CELF4: variants seen among roughly 807,000 people sequenced by gnomAD.
CELF4 encodes CUG-BP- and ETR-3-like factor 4.
In CELF4, 18 loss-of-function variants were observed where a neutral mutation model predicts 59.9. The observed-to-expected ratio is 0.30, with a 90% CI of 0.21 to 0.45. The LOEUF (loss-of-function observed/expected upper bound fraction) is 0.45. Ranked by LOEUF, CELF4 falls within the 20% of genes least tolerant of loss-of-function variation. The pLI, the probability that CELF4 is intolerant of heterozygous loss-of-function variation, is 1.00. For missense variants in CELF4, 456 were observed against 689.0 expected (o/e 0.66, Z 3.79); for synonymous variants, 261 against 267.1 (o/e 0.98, Z 0.22).
At chr18:37,306,781 G>A (rs1036047524) in intron 3 of CELF4, among the ~76,000 whole-genome samples, 2 of 152,174 alleles carry the variant, frequency 1.3e-5, no homozygotes, top group African/African-American at 2.4e-5. Flanking sequence ...GGGGCCCAGC[G>A]CTGATGGTGC....
intron 1 of CELF4, among the ~76,000 whole-genome samples, chr18:37,522,788 C>T (rs1032450260): frequency 1.5e-4 from 23 of 152,092 alleles, no homozygotes; most frequent in Non-Finnish European, 1.9e-4. Flanking sequence ...CTGAGCCCAC[C>T]CTGTGGGGCA....
intron 10 of CELF4, among the ~76,000 whole-genome samples, chr18:37,262,137 C>T (rs762850697): frequency 5.3e-5 from 8 of 152,224 alleles, no homozygotes; most frequent in Non-Finnish European, 1.0e-4. Flanking sequence ...TGCTGCCAAC[C>T]TCTGCTCATC....
intron 2 of CELF4, among the ~76,000 whole-genome samples, chr18:37,340,758 G>A (rs1323636129): frequency 6.6e-6 from 1 of 152,230 alleles, no homozygotes; most frequent in Non-Finnish European, 1.5e-5. Flanking sequence ...AGTTGACAAT[G>A]ACAGTGAATC....
chr18:37,376,395 C>T (rs527353472), intron 2 of CELF4, among the ~76,000 whole-genome samples: 59 of 152,338 alleles, frequency 3.9e-4, no homozygotes, highest in African/African-American at 1.3e-3. Flanking sequence ...CTAGCCGGGA[C>T]ACTGCAGCCC....
intron 1 of CELF4, among the ~76,000 whole-genome samples, chr18:37,535,841 T>C (rs575129061): frequency 6.6e-6 from 1 of 152,312 alleles, no homozygotes; most frequent in South Asian, 2.1e-4. Flanking sequence ...CACGATTCAC[T>C]TCCTGGTAAA....
At chr18:37,264,645 G>A (rs1384246637) in intron 10 of CELF4, 29 bp downstream of exon 10, 2 of 1,547,142 alleles carry the variant, frequency 1.3e-6, no homozygotes, top group Admixed American at 3.9e-5. Flanking sequence ...GGGGGAGGGA[G>A]GGGCCCAGGA....
Position 37,243,968 on chromosome 18 carries a change from T to G in CELF4, c.*1274A>C. On this transcript the variant is annotated 3_prime_UTR_variant, in exon 13 of 13. Coordinates refer to ENST00000420428, the MANE Select transcript of CELF4 (RefSeq NM_020180.4). ...ACCGTTCCCGACCGACGGCGTGGCC[T>G]CCACCGGCGTCGGCAGCCAGGCGCC... 1 of 170,412 alleles carries G rather than the reference T, an allele frequency of 5.9e-6. No homozygotes were observed. The highest frequency in any genetic ancestry group is 1.3e-5 in the Non-Finnish European group (1 of 78,980). 10.6% of individuals were successfully genotyped at this position (170,412 alleles called of 1,614,324 possible). A position where few individuals can be genotyped will look rare whatever the true frequency, so the allele number is the denominator to read the frequency against.
intron 2 of CELF4, among the ~76,000 whole-genome samples, chr18:37,479,011 CAA>C (rs1445419521): frequency 6.6e-6 from 1 of 152,222 alleles, no homozygotes; most frequent in Non-Finnish European, 1.5e-5. Context: ...TCTGTTATAG[CAA>C]AGTCTCCATT....
intron 2 of CELF4, among the ~76,000 whole-genome samples, chr18:37,332,249 C>T (rs749033424): frequency 1.3e-5 from 2 of 152,126 alleles, no homozygotes; most frequent in Non-Finnish European, 2.9e-5. Flanking sequence ...CCAGTCCAAG[C>T]CTAGCCTTGT....
intron 3 of CELF4, among the ~76,000 whole-genome samples, chr18:37,289,534 C>T (rs1050624979): frequency 3.3e-5 from 5 of 151,936 alleles, no homozygotes; most frequent in Non-Finnish European, 5.9e-5. Context: ...CTAGCTAGTA[C>T]GCCCCAGCTC....
At chr18:37,524,284 G>A (rs2099960965) in intron 1 of CELF4, among the ~76,000 whole-genome samples, 1 of 152,180 alleles carries the variant, frequency 6.6e-6, no homozygotes, top group Non-Finnish European at 1.5e-5. Context: ...GTTGGTGCTG[G>A]CGGGTGGGTG....
chr18:37,334,782 G>C (rs1168542042), intron 2 of CELF4, among the ~76,000 whole-genome samples: 1 of 151,940 alleles, frequency 6.6e-6, no homozygotes, highest in African/African-American at 2.4e-5. Context: ...CTTAGGCCTG[G>C]AGAGAGCAGG....
At chr18:37,455,005 C>A (rs1203482552) in intron 2 of CELF4, among the ~76,000 whole-genome samples, 1 of 152,200 alleles carries the variant, frequency 6.6e-6, no homozygotes, top group East Asian at 1.9e-4. Flanking sequence ...CTAGTGAGAG[C>A]CTTCTCCCTC....
intron 1 of CELF4, among the ~76,000 whole-genome samples, chr18:37,560,725 C>T (rs1320585350): frequency 1.3e-5 from 2 of 152,198 alleles, no homozygotes; most frequent in Admixed American, 1.3e-4. Context: ...TTCAGCTGCA[C>T]TGTCTCTTAG....
intron 2 of CELF4, among the ~76,000 whole-genome samples, chr18:37,444,842 C>A (rs1210346334): frequency 1.3e-5 from 2 of 152,136 alleles, no homozygotes; most frequent in Non-Finnish European, 2.9e-5. Context: ...TTCTGAGAGA[C>A]ACTAGGTATG....
intron 3 of CELF4, among the ~76,000 whole-genome samples, chr18:37,291,818 C>A (rs550116734): frequency 6.6e-6 from 1 of 152,262 alleles, no homozygotes; most frequent in East Asian, 1.9e-4. Flanking sequence ...TACCCATAAT[C>A]AGATTCAGCC....
intron 2 of CELF4, among the ~76,000 whole-genome samples, chr18:37,387,526 C>G (rs2099112328): frequency 6.6e-6 from 1 of 152,182 alleles, no homozygotes; most frequent in African/African-American, 2.4e-5. Context: ...GTCCGGCTTG[C>G]CAGTCTCCAC....
At chr18:37,380,390 A>G (rs1283777133) in intron 2 of CELF4, among the ~76,000 whole-genome samples, 1 of 152,002 alleles carries the variant, frequency 6.6e-6, no homozygotes, top group Non-Finnish European at 1.5e-5. Flanking sequence ...ACCCATTCTC[A>G]TGTCTTTGCC....
intron 6 of CELF4, 33 bp from the exon 7 acceptor site, chr18:37,273,196 G>T: frequency 6.3e-7 from 1 of 1,591,024 alleles, no homozygotes; most frequent in African/African-American, 1.3e-5. Context: ...AATATCACGT[G>T]CTTCCAGGGG....
Sources: gnomAD v4.1 joint callset for allele counts (sites outside exome capture counted in the v4.1 genomes callset) on GRCh38, gnomAD v4.1.1 for gene constraint, MANE v1.5 for transcripts, NCBI Gene and HGNC (gene_info 2026-07-23, HGNC 2026-07-21) for gene names.